SEMA3C: variants seen among roughly 807,000 people sequenced by gnomAD.
SEMA3C encodes the protein semaphorin 3C.
SEMA3C carries 47 observed loss-of-function variants against 89.4 expected under a neutral mutation model. The ratio of observed to expected loss-of-function variants is 0.53; its 90% CI spans 0.42 to 0.67. SEMA3C has a LOEUF of 0.67. SEMA3C is among the 30% of genes least tolerant of loss of function. The probability of loss-of-function intolerance (pLI) is 0.00; values close to 1 mark genes in which losing one functional copy is unlikely to be tolerated. For synonymous variants in SEMA3C, 310 were observed against 320.2 expected, an observed-to-expected ratio of 0.97 and a Z score of 0.34; for missense variants, 839 against 929.1, an observed-to-expected ratio of 0.90 and a Z score of 1.26.
intron 17 of SEMA3C, among the ~76,000 whole-genome samples, chr7:80,747,680 C>T (rs1055137612): frequency 1.4e-4 from 21 of 152,110 alleles, no homozygotes; most frequent in Admixed American, 1.4e-3. Context: ...ACAGATTTTA[C>T]AGCAAAGAAA....
At chr7:80,907,270 G>A (rs1349279754) in intron 2 of SEMA3C, among the ~76,000 whole-genome samples, 1 of 151,960 alleles carries the variant, frequency 6.6e-6, no homozygotes, top group Non-Finnish European at 1.5e-5. Context: ...CTAAAGATCC[G>A]CTCTCTGTGC....
At chr7:80,838,871 C>G (rs73139750) in intron 2 of SEMA3C, among the ~76,000 whole-genome samples, 1 of 151,922 alleles carries the variant, frequency 6.6e-6, no homozygotes, top group Non-Finnish European at 1.5e-5. Flanking sequence ...TCCCTTGACA[C>G]GTGATGATTA....
intron 4 of SEMA3C, among the ~76,000 whole-genome samples, chr7:80,819,636 C>T (rs73139718): frequency 0.16 from 24,659 of 152,130 alleles, 2,171 homozygotes; most frequent in Non-Finnish European, 0.2. Context: ...TCCTAAAATA[C>T]TCCTTTCTTC....
At chr7:80,845,560 G>T (rs1169981854) in intron 2 of SEMA3C, among the ~76,000 whole-genome samples, 3 of 152,036 alleles carry the variant, frequency 2.0e-5, no homozygotes, top group African/African-American at 7.2e-5. Flanking sequence ...ATCAGCTGCT[G>T]AGCCTTGCTG....
At chr7:80,917,219 G>C (rs1265734741) in intron 1 of SEMA3C, among the ~76,000 whole-genome samples, 1 of 152,160 alleles carries the variant, frequency 6.6e-6, no homozygotes, top group African/African-American at 2.4e-5. Context: ...CCCCACTAAC[G>C]TAACAGCAGC....
At chr7:80,849,764 A>C (rs1453990751) in intron 2 of SEMA3C, among the ~76,000 whole-genome samples, 2 of 152,144 alleles carry the variant, frequency 1.3e-5, no homozygotes, top group Non-Finnish European at 2.9e-5. Flanking sequence ...TAAATAGGGC[A>C]AAGAAGTACA....
At chr7:80,836,164 G>GATATTTA (rs1469802608) in intron 2 of SEMA3C, among the ~76,000 whole-genome samples, 64 of 152,272 alleles carry the variant, frequency 4.2e-4, no homozygotes, top group African/African-American at 1.4e-3. Context: ...ACATCTCAGT[G>GATATTTA]ATGCTCTTCT....
intron 2 of SEMA3C, among the ~76,000 whole-genome samples, chr7:80,914,085 A>C (rs924668362): frequency 3.3e-5 from 5 of 152,202 alleles, no homozygotes; most frequent in Non-Finnish European, 7.3e-5. Flanking sequence ...GAGATATAAA[A>C]CAAGTAATGC....
At chr7:80,752,700 T>C (rs1787965249) in intron 15 of SEMA3C, among the ~76,000 whole-genome samples, 1 of 152,050 alleles carries the variant, frequency 6.6e-6, no homozygotes, top group Admixed American at 6.6e-5. Context: ...TTTAATTTCG[T>C]GAGTCTTAGA....
At chr7:80,768,632 C>T (rs1253731579) in intron 12 of SEMA3C, among the ~76,000 whole-genome samples, 1 of 152,032 alleles carries the variant, frequency 6.6e-6, no homozygotes, top group Non-Finnish European at 1.5e-5. Context: ...TGTGCAGAGA[C>T]CTGTCACAAC....
intron 12 of SEMA3C, 57 bp downstream of exon 12, chr7:80,789,249 A>T: frequency 7.2e-7 from 1 of 1,380,476 alleles, no homozygotes. Flanking sequence ...CCTACTACCT[A>T]TATTTAGTAC....
At chr7:80,805,958 A>G (rs1283798990) in intron 6 of SEMA3C, among the ~76,000 whole-genome samples, 200 bp from the exon 7 acceptor site, 1 of 152,064 alleles carries the variant, frequency 6.6e-6, no homozygotes, top group Non-Finnish European at 1.5e-5. Context: ...CCTGAATGAT[A>G]ATTACTATGT....
intron 2 of SEMA3C, among the ~76,000 whole-genome samples, chr7:80,863,694 CAT>C (rs892929643): frequency 1.0e-4 from 15 of 145,538 alleles, no homozygotes; most frequent in African/African-American, 2.9e-4. Flanking sequence ...TATACACACA[CAT>C]ATATATGTGA....
At chr7:80,903,007 A>G (rs1301438962) in intron 2 of SEMA3C, among the ~76,000 whole-genome samples, 1 of 152,200 alleles carries the variant, frequency 6.6e-6, no homozygotes, top group African/African-American at 2.4e-5. Context: ...GAGCCCTGAC[A>G]GGGTTTGATC....
chr7:80,826,830 T>A (rs1175103215), intron 4 of SEMA3C, among the ~76,000 whole-genome samples: 1 of 152,172 alleles, frequency 6.6e-6, no homozygotes, highest in Non-Finnish European at 1.5e-5. Context: ...TTTCAGCAAG[T>A]CATTTGTAGA....
intron 2 of SEMA3C, among the ~76,000 whole-genome samples, chr7:80,893,925 T>C (rs1406629287): frequency 6.6e-6 from 1 of 152,338 alleles, no homozygotes; most frequent in East Asian, 1.9e-4. Flanking sequence ...AGAGTTTTCA[T>C]GCTGTATCAT....
chr7:80,864,646 C>T (rs1790883646), intron 2 of SEMA3C, among the ~76,000 whole-genome samples: 1 of 152,058 alleles, frequency 6.6e-6, no homozygotes, highest in African/African-American at 2.4e-5. Context: ...ACAAGAGCTT[C>T]CAAAATATGA....
chr7:80,807,000 T>C (rs747237931), intron 6 of SEMA3C, among the ~76,000 whole-genome samples: 2 of 152,094 alleles, frequency 1.3e-5, no homozygotes, highest in Non-Finnish European at 2.9e-5. Context: ...GTTGCTCAGC[T>C]CTGCTTCCTA....
At chr7:80,884,345 T>C (rs1791422255) in intron 2 of SEMA3C, among the ~76,000 whole-genome samples, 2 of 152,192 alleles carry the variant, frequency 1.3e-5, no homozygotes, top group Non-Finnish European at 2.9e-5. Context: ...TTCTTGACTC[T>C]AACATAGAGG....
Sources: gnomAD v4.1 joint callset for allele counts (sites outside exome capture counted in the v4.1 genomes callset) on GRCh38, gnomAD v4.1.1 for gene constraint, MANE v1.5 for transcripts, NCBI Gene and HGNC (gene_info 2026-07-23, HGNC 2026-07-21) for gene names.